Variants in MERTK observed in about 807,000 individuals in gnomAD.
MERTK encodes tyrosine-protein kinase Mer.
MERTK carries 69 observed loss-of-function variants against 99.3 expected under a neutral mutation model. The ratio of observed to expected loss-of-function variants is 0.70; its 90% CI spans 0.57 to 0.85. The LOEUF is 0.85. Ranked by LOEUF, MERTK falls within the 40% of genes least tolerant of loss-of-function variation. The probability of loss-of-function intolerance (pLI) is 0.00; values close to 1 mark genes in which losing one functional copy is unlikely to be tolerated. For synonymous variants in MERTK, 426 were observed against 467.6 expected (o/e 0.91, Z 1.15); for missense variants, 1,125 against 1,249.4 (o/e 0.90, Z 1.50).
intron 14 of MERTK, 68 bp downstream of exon 14, chr2:112,008,543 A>G (rs1308308858): frequency 5.1e-6 from 6 of 1,181,108 alleles, no homozygotes; most frequent in South Asian, 1.2e-5. Flanking sequence ...GCCAAAGGAA[A>G]AAATCTCTGG....
At chr2:112,016,948 G>A (rs920260731) in intron 15 of MERTK, among the ~76,000 whole-genome samples, 3 of 152,154 alleles carry the variant, frequency 2.0e-5, no homozygotes, top group African/African-American at 7.2e-5. Context: ...TGAAGCCGCG[G>A]ACCTTTGCAG....
chr2:112,006,348 G>A (rs1313565961), intron 13 of MERTK, among the ~76,000 whole-genome samples: 2 of 152,126 alleles, frequency 1.3e-5, no homozygotes, highest in Admixed American at 1.3e-4. Context: ...AACAGGAAGA[G>A]AAAATGAACA....
In MERTK at chr2:111,982,959, G is replaced by A. The variant is rs138908058; in HGVS notation, c.1262G>A (p.Arg421Gln). 1.9e-4 allele frequency: 299 copies of A among 1,614,136 alleles called. 3 individuals are homozygous for A. The African/African-American group carries it at 2.9e-3, about 16-fold the overall frequency. The change falls in exon 8 of 19, where the codon CGG (arginine) becomes CAG (glutamine). Residue 421 changes from arginine to glutamine, a missense_variant. Physicochemically the swap from Arg to Gln is conservative, Grantham distance 43. Transcript: ENST00000295408. ...CAGGATGGAGAACTGGTGGGCTACC[G>A]GATATCCCACGTGTGGCAGAGTGCA... ...KQQDGELVGY[R>Q]ISHVWQSAGI... is the part of the protein sequence containing the mutation.
At chr2:111,949,635 G>T (rs1467689234) in intron 4 of MERTK, among the ~76,000 whole-genome samples, 2 of 152,138 alleles carry the variant, frequency 1.3e-5, no homozygotes, top group Non-Finnish European at 2.9e-5. Context: ...GAATTCAGTT[G>T]TACAACTCAG....
At chr2:111,954,196 G>A (rs993874556) in intron 4 of MERTK, among the ~76,000 whole-genome samples, 4 of 152,142 alleles carry the variant, frequency 2.6e-5, no homozygotes, top group Non-Finnish European at 4.4e-5. Flanking sequence ...CACGGTCTCC[G>A]CCTGCCTCAC....
At chr2:111,981,134 A>T (rs1429217807) in intron 7 of MERTK, among the ~76,000 whole-genome samples, 1 of 152,236 alleles carries the variant, frequency 6.6e-6, no homozygotes, top group African/African-American at 2.4e-5. Context: ...TTCTGGAATC[A>T]GCAGAGAAAA....
chr2:111,999,491 G>A (rs1401594539), intron 10 of MERTK, among the ~76,000 whole-genome samples: 3 of 152,000 alleles, frequency 2.0e-5, no homozygotes, highest in East Asian at 1.9e-4. Context: ...TAGAGATGAG[G>A]CATCTCACTT....
intron 4 of MERTK, among the ~76,000 whole-genome samples, chr2:111,949,887 A>T (rs895453660): frequency 6.6e-6 from 1 of 152,184 alleles, no homozygotes. Flanking sequence ...TCCACTCAAC[A>T]TGATATCTTT....
intron 18 of MERTK, chr2:112,028,064 G>A (rs1294149238): frequency 4.3e-5 from 19 of 443,414 alleles, no homozygotes; most frequent in Middle Eastern, 6.4e-4. Context: ...TAGTTTGCCC[G>A]CCGCCATATA....
chr2:111,994,138 G>T, intron 8 of MERTK, 113 bp from the exon 9 acceptor site: 1 of 1,214,742 alleles, frequency 8.2e-7, no homozygotes. Context: ...TGGAAGTGTG[G>T]CTTCTGGCCT....
At position 111,954,073 on chromosome 2, in the gene MERTK, C is replaced by A. The variant is rs184185671; in HGVS notation, c.757+6506C>A. On this transcript the variant is annotated intron_variant, in intron 4 of 18. Coordinates refer to ENST00000295408, the MANE Select transcript of MERTK (RefSeq NM_006343.3). ...GCTCCACCTTGTGATTAAAGAGGTT[C>A]TCCTAAAATACAGAGCTTCTCATTC... Among the ~76,000 whole-genome samples the A allele has an allele frequency of 1.4e-3, 215 of 152,274 alleles. 2 individuals carry two copies. The highest frequency in any genetic ancestry group is 4.6e-3 in the African/African-American group (192 of 41,544).
At chr2:111,987,374 T>C (rs750499053) in intron 8 of MERTK, among the ~76,000 whole-genome samples, 2 of 152,206 alleles carry the variant, frequency 1.3e-5, no homozygotes, top group Non-Finnish European at 2.9e-5. Flanking sequence ...CCTTTTTTGT[T>C]CTATTTTTCT....
At chr2:111,963,635 C>T (rs1333416571) in intron 4 of MERTK, among the ~76,000 whole-genome samples, 1 of 152,156 alleles carries the variant, frequency 6.6e-6, no homozygotes, top group Admixed American at 6.5e-5. Context: ...TCCATTTAAC[C>T]CTGAGTTGAC....
rs75461443 is a variant in MERTK at position 111,969,462 on chromosome 2, A to G, written c.960+1210A>G. Reference sequence around the variant, plus strand: ...AGGGTCAGGAATTAGTTTACTAAATATCTGGTCTCATTAGTTAAAAATATG... The same window carrying G: ...AGGGTCAGGAATTAGTTTACTAAATGTCTGGTCTCATTAGTTAAAAATATG... On this transcript the variant is annotated intron_variant, in intron 6 of 18. Transcript: ENST00000295408. Among the ~76,000 whole-genome samples the G allele has an allele frequency of 6.5e-3, 991 of 152,334 alleles. 6 individuals carry two copies. The highest frequency in any genetic ancestry group is 0.011 in the Non-Finnish European group (740 of 68,036).
At chr2:111,910,610 G>GTGTGTGTGTGTGTATATA (rs370882764) in intron 1 of MERTK, among the ~76,000 whole-genome samples, 337 of 143,628 alleles carry the variant, frequency 2.3e-3, no homozygotes, top group African/African-American at 8.4e-3. Context: ...GTGTGTGTGT[G>GTGTGTGTGTGTGTATATA]TATATATATA....
intron 1 of MERTK, among the ~76,000 whole-genome samples, chr2:111,919,927 G>A (rs1295829961): frequency 1.3e-5 from 2 of 151,208 alleles, no homozygotes; most frequent in Non-Finnish European, 2.9e-5. Context: ...TGCAAGCCTT[G>A]GTTCAGAGAG....
intron 15 of MERTK, among the ~76,000 whole-genome samples, chr2:112,017,274 C>G (rs562653542): frequency 6.6e-6 from 1 of 152,072 alleles, no homozygotes; most frequent in Non-Finnish European, 1.5e-5. Context: ...CCAATTGATG[C>G]GTTTTTACAG....
chr2:111,990,306 T>C (rs931031944), intron 8 of MERTK, among the ~76,000 whole-genome samples: 1 of 152,238 alleles, frequency 6.6e-6, no homozygotes, highest in African/African-American at 2.4e-5. Context: ...TTTTAAAATA[T>C]ATGTCATATA....
intron 16 of MERTK, 32 bp downstream of exon 16, chr2:112,019,554 G>C (rs767230274): frequency 2.0e-6 from 3 of 1,507,346 alleles, no homozygotes; most frequent in Admixed American, 3.3e-5. Context: ...GGAAGGGTTT[G>C]GACCTCATGG....
Sources: gnomAD v4.1 joint callset for allele counts (sites outside exome capture counted in the v4.1 genomes callset) on GRCh38, gnomAD v4.1.1 for gene constraint, MANE v1.5 for transcripts, NCBI Gene and HGNC (gene_info 2026-07-23, HGNC 2026-07-21) for gene names.